Variants in AXL observed in about 807,000 individuals in gnomAD.
AXL encodes the protein tyrosine-protein kinase receptor UFO.
AXL carries 52 observed loss-of-function variants against 104.5 expected under a neutral mutation model. That is an observed-to-expected ratio of 0.50 (90% CI 0.40 to 0.63). The LOEUF (loss-of-function observed/expected upper bound fraction) is 0.63. AXL is among the 20% of genes least tolerant of loss of function. The probability of loss-of-function intolerance (pLI) is 0.00; values close to 1 mark genes in which losing one functional copy is unlikely to be tolerated. For missense variants in AXL, 1,024 were observed against 1,188.5 expected, an observed-to-expected ratio of 0.86 and a Z score of 2.04; for synonymous variants, 455 against 473.7, an observed-to-expected ratio of 0.96 and a Z score of 0.51.
intron 4 of AXL, among the ~76,000 whole-genome samples, chr19:41,224,220 T>G (rs1043458021): frequency 1.3e-5 from 2 of 151,960 alleles, no homozygotes; most frequent in African/African-American, 4.8e-5. Context: ...GGTAGTGGGT[T>G]TGGGGCTATG....
rs553336547 is a variant in AXL, at chr19:41,225,887, G to A, written c.586+3831G>A. Reference sequence around the variant, plus strand: ...GAAGGAATTTCGTCCGTTTGTGTGCGTCTGTCCCTCTATCTGACTCAGGGC... The same window carrying A: ...GAAGGAATTTCGTCCGTTTGTGTGCATCTGTCCCTCTATCTGACTCAGGGC... On this transcript the variant is annotated intron_variant, in intron 4 of 19. Coordinates refer to ENST00000301178, the MANE Select transcript of AXL (RefSeq NM_021913.5). Among the ~76,000 whole-genome samples the A allele has an allele frequency of 1.6e-3, 239 of 152,246 alleles. 1 individual carries two copies. The highest frequency in any genetic ancestry group is 3.4e-3 in the Middle Eastern group (1 of 294).
At chr19:41,226,816 G>C (rs1219328270) in intron 4 of AXL, 18 of 984,950 alleles carry the variant, frequency 1.8e-5, no homozygotes, top group South Asian at 9.4e-5. Flanking sequence ...TCCCAGGGCC[G>C]GGCACCGAGT....
intron 10 of AXL, among the ~76,000 whole-genome samples, chr19:41,240,125 T>G (rs1331947025): frequency 5.1e-4 from 56 of 109,946 alleles, no homozygotes; most frequent in South Asian, 9.6e-4. Flanking sequence ...TGGATGGGTG[T>G]GTGGGCCAAT....
intron 6 of AXL, among the ~76,000 whole-genome samples, chr19:41,231,513 A>G (rs2033988624): frequency 6.6e-6 from 1 of 152,166 alleles, no homozygotes; most frequent in Non-Finnish European, 1.5e-5. Context: ...TCCGGGGCTC[A>G]GCTCTCTTGT....
chr19:41,242,297 G>A (rs1390861753), intron 10 of AXL, among the ~76,000 whole-genome samples: 4 of 143,574 alleles, frequency 2.8e-5, no homozygotes, highest in African/African-American at 1.0e-4. Context: ...TCTACCACCT[G>A]AACTATCCTG....
intron 19 of AXL, among the ~76,000 whole-genome samples, chr19:41,258,206 C>G (rs1253347548): frequency 1.3e-5 from 2 of 152,202 alleles, no homozygotes; most frequent in Admixed American, 6.5e-5. Flanking sequence ...AGGAGACAGC[C>G]TGGGGCGTCA....
intron 4 of AXL, among the ~76,000 whole-genome samples, chr19:41,224,289 G>C (rs866056142): frequency 2.8e-4 from 43 of 152,132 alleles, no homozygotes; most frequent in African/African-American, 9.9e-4. Flanking sequence ...AGCTATGGGT[G>C]TGAGAGTGTC....
Position 41,239,363 on chromosome 19 carries a change from C to G in AXL, c.1285+49C>G. ...CTGCTTCAACCCTGTCTCTCCCTGA[C>G]AGCCCTGACTTACTCCTTGTACCTT... On this transcript the variant is annotated intron_variant, in intron 9 of 19. Coordinates refer to ENST00000301178, the MANE Select transcript of AXL (RefSeq NM_021913.5). The G allele has an allele frequency of 3.9e-6, 6 of 1,536,218 alleles. No homozygotes were observed. In the South Asian group the frequency reaches 7.7e-5, roughly 20 times the overall value.
intron 4 of AXL, among the ~76,000 whole-genome samples, chr19:41,229,808 G>A (rs990728394): frequency 2.0e-5 from 3 of 152,096 alleles, no homozygotes; most frequent in Non-Finnish European, 2.9e-5. Flanking sequence ...GGTAGGAGGC[G>A]AGCTTAGAGA....
chr19:41,236,652 G>A (rs563157994), intron 6 of AXL, among the ~76,000 whole-genome samples: 23 of 150,664 alleles, frequency 1.5e-4, no homozygotes, highest in African/African-American at 4.9e-4. Context: ...GTGGTGGTAC[G>A]CGTAGTCCCA....
In AXL at chr19:41,252,975, G is replaced by A. The variant is rs73550550; in HGVS notation, c.1926+8G>A. ...CTCGGGGACCAGCCAGTGGTAAGGG[G>A]CGTTTAATCATTCAGTCTACAAATA... On this transcript the variant is annotated splice_region_variant and intron_variant, in intron 16 of 19. Transcript: ENST00000301178. The A allele has an allele frequency of 2.5e-6, 4 of 1,613,852 alleles. No individual in the cohort carries two copies. The Admixed American group carries it at 6.7e-5, about 27-fold the overall frequency.
At chr19:41,253,018 A>T in intron 16 of AXL, 51 bp downstream of exon 16, 1 of 1,598,394 alleles carries the variant, frequency 6.3e-7, no homozygotes. Context: ...AGCATCTATC[A>T]GGTACCCAGT....
Position 41,219,437 on chromosome 19 carries a change from G to T in AXL, c.45G>T (p.Trp15Cys). 1 of 1,606,962 alleles carries T rather than the reference G, an allele frequency of 6.2e-7. No homozygotes were observed. The highest frequency in any genetic ancestry group is 8.5e-7 in the Non-Finnish European group (1 of 1,177,074). The stretch of plus-strand genomic sequence containing the variant: ...GGATGGGCAGGGTCCCGCTGGCCTG[G>T]TGCTTGGCGCTGTGCGGCTGGGCGT... ...CPRMGRVPLA[W>C]CLALCGWACM... The change falls in exon 1 of 20, where the codon TGG becomes TGT. Residue 15 changes from tryptophan to cysteine, a missense_variant. Trp to Cys is a radical substitution (Grantham distance 215, BLOSUM62 -2). Coordinates refer to ENST00000301178, the MANE Select transcript of AXL (RefSeq NM_021913.5).
At chr19:41,233,895 G>A (rs150900561) in intron 6 of AXL, among the ~76,000 whole-genome samples, 1 of 151,926 alleles carries the variant, frequency 6.6e-6, no homozygotes, top group Non-Finnish European at 1.5e-5. Flanking sequence ...CCCTTTCCAG[G>A]TCTCACTTCC....
chr19:41,229,633 A>G (rs1210657441), intron 4 of AXL, among the ~76,000 whole-genome samples: 1 of 152,196 alleles, frequency 6.6e-6, no homozygotes, highest in African/African-American at 2.4e-5. Context: ...CAAAAATGAA[A>G]GAAGAGGGTG....
intron 6 of AXL, among the ~76,000 whole-genome samples, chr19:41,235,266 A>C (rs1467134035): frequency 6.6e-6 from 1 of 152,040 alleles, no homozygotes; most frequent in Non-Finnish European, 1.5e-5. Flanking sequence ...CAAGAGAATC[A>C]CTTGAACCTG....
intron 1 of AXL, 40 bp from the exon 2 acceptor site, chr19:41,220,596 T>TG (rs1313476500): frequency 1.7e-5 from 26 of 1,522,066 alleles, no homozygotes; most frequent in East Asian, 2.5e-5. Context: ...CGGAAGGAGC[T>TG]GGGGGGTTCC....
intron 4 of AXL, among the ~76,000 whole-genome samples, chr19:41,225,303 C>A (rs980919711): frequency 6.6e-6 from 1 of 152,210 alleles, no homozygotes; most frequent in Non-Finnish European, 1.5e-5. Flanking sequence ...CCGCACCCAG[C>A]GCAAATGTGT....
chr19:41,250,658 G>T (rs144025261), intron 14 of AXL, among the ~76,000 whole-genome samples: 12,853 of 152,142 alleles, frequency 0.084, 667 homozygotes, highest in Non-Finnish European at 0.11. Context: ...GGCCAGGATG[G>T]TCTCTATCTC....
Sources: allele counts gnomAD v4.1 joint callset (sites outside exome capture counted in the v4.1 genomes callset), GRCh38; gene constraint gnomAD v4.1.1; transcripts MANE v1.5; gene names NCBI Gene and HGNC (gene_info 2026-07-23, HGNC 2026-07-21).